Variants in UMAD1 observed in about 807,000 individuals in gnomAD.
The protein encoded by UMAD1 is UBAP1-MVB12-associated (UMA) domain containing 1, also known as UBAP1-MVB12-associated (UMA)-domain containing protein 1.
A neutral mutation model predicts 6.1 loss-of-function variants in UMAD1; 8 were observed. That is an observed-to-expected ratio of 1.30 (90% CI 0.76 to 2.35). The LOEUF (loss-of-function observed/expected upper bound fraction) is 2.35. Among genes scored for constraint, UMAD1 ranks in the 30% most tolerant of loss-of-function variants. UMAD1 has a pLI of 0.00. For synonymous variants in UMAD1, 56 were observed against 31.4 expected, an observed-to-expected ratio of 1.78 and a Z score of -2.61; for missense variants, 130 against 78.4, an observed-to-expected ratio of 1.66 and a Z score of -2.49.
chr7:7,660,850 C>G (rs1785457477), intron 1 of UMAD1, among the ~76,000 whole-genome samples: 1 of 152,178 alleles, frequency 6.6e-6, no homozygotes, highest in Non-Finnish European at 1.5e-5. Flanking sequence ...GTTGGCCTGT[C>G]TTGCTAGGTT....
chr7:7,777,605 A>ATAT (rs1554327171), intron 2 of UMAD1, among the ~76,000 whole-genome samples: 6 of 141,682 alleles, frequency 4.2e-5, no homozygotes, highest in African/African-American at 1.3e-4. Context: ...ATATATATGT[A>ATAT]ATTGCCAGTA....
intron 2 of UMAD1, among the ~76,000 whole-genome samples, chr7:7,692,931 A>G (rs1780209770): frequency 6.6e-6 from 1 of 152,108 alleles, no homozygotes; most frequent in Admixed American, 6.6e-5. Flanking sequence ...AAAATGGTAT[A>G]TTTCATGTGA....
At chr7:7,757,455 A>G (rs1478109779) in intron 2 of UMAD1, among the ~76,000 whole-genome samples, 1 of 152,226 alleles carries the variant, frequency 6.6e-6, no homozygotes, top group East Asian at 1.9e-4. Context: ...TAAGAGAGTG[A>G]TCTATAAAGT....
intron 3 of UMAD1, among the ~76,000 whole-genome samples, chr7:7,876,223 G>A (rs757605054): frequency 7.9e-5 from 12 of 152,116 alleles, no homozygotes; most frequent in Non-Finnish European, 1.3e-4. Context: ...AGGCCCTGAG[G>A]CAGAAGCAGG....
At chr7:7,813,495 C>T (rs537136405) in intron 3 of UMAD1, among the ~76,000 whole-genome samples, 67 of 152,206 alleles carry the variant, frequency 4.4e-4, no homozygotes, top group Middle Eastern at 3.4e-3. Flanking sequence ...TGAGTGACTG[C>T]GCCCAGCCCC....
intron 2 of UMAD1, among the ~76,000 whole-genome samples, chr7:7,745,566 A>G (rs1358995044): frequency 6.6e-6 from 1 of 151,372 alleles, no homozygotes; most frequent in Non-Finnish European, 1.5e-5. Flanking sequence ...TAAATATAAG[A>G]TGGAAGCCAT....
intron 2 of UMAD1, among the ~76,000 whole-genome samples, chr7:7,779,476 C>G (rs965079654): frequency 6.6e-6 from 1 of 151,900 alleles, no homozygotes; most frequent in Non-Finnish European, 1.5e-5. Flanking sequence ...TCACTATGTT[C>G]CCCAGTCTGG....
At chr7:7,790,236 C>T (rs966649411) in intron 2 of UMAD1, among the ~76,000 whole-genome samples, 8 of 152,092 alleles carry the variant, frequency 5.3e-5, no homozygotes, top group Admixed American at 1.3e-4. Context: ...GGAATTTGCA[C>T]CCCAGGGGAT....
rs566272725 is a variant in UMAD1, at chr7:7,846,311, A to C, written c.157-30970A>C. ...AAGTATTTATTCTTTTCTTTAAAAT[A>C]TCTTTAGTCTTCTCCTGTTCCCTAG... On this transcript the variant is annotated intron_variant, in intron 3 of 3. Coordinates refer to ENST00000682710, the MANE Select transcript of UMAD1 (RefSeq NM_001302348.2). 6.6e-5 allele frequency among the ~76,000 whole-genome samples: 10 copies of C among 152,284 alleles called. No individual in the cohort carries two copies. In the South Asian group the frequency reaches 1.4e-3, roughly 22 times the overall value.
chr7:7,791,457 A>G (rs920684151), intron 2 of UMAD1, among the ~76,000 whole-genome samples: 2 of 152,228 alleles, frequency 1.3e-5, no homozygotes. Context: ...AAAATCTTTC[A>G]AGATGCAGAT....
intron 2 of UMAD1, among the ~76,000 whole-genome samples, chr7:7,690,711 A>G (rs905827538): frequency 1.3e-5 from 2 of 152,132 alleles, no homozygotes; most frequent in African/African-American, 2.4e-5. Flanking sequence ...AGAGAAAGGA[A>G]GGTAAATATA....
chr7:7,741,379 G>GGCTAACA (rs1348232956), intron 2 of UMAD1, among the ~76,000 whole-genome samples: 9 of 151,874 alleles, frequency 5.9e-5, no homozygotes, highest in African/African-American at 2.2e-4. Flanking sequence ...AGACCATCCT[G>GGCTAACA]GCTAACACAG....
At chr7:7,842,169 G>T (rs1361605291) in intron 3 of UMAD1, among the ~76,000 whole-genome samples, 1 of 152,096 alleles carries the variant, frequency 6.6e-6, no homozygotes, top group African/African-American at 2.4e-5. Context: ...ATTCCCAACT[G>T]TTCATTTATT....
intron 2 of UMAD1, among the ~76,000 whole-genome samples, chr7:7,720,713 A>G (rs184091088): frequency 1.3e-5 from 2 of 152,316 alleles, no homozygotes; most frequent in Admixed American, 6.5e-5. Flanking sequence ...AAACATTTTT[A>G]TTAAAACAAG....
chr7:7,769,187 G>A (rs1782053093), intron 2 of UMAD1, among the ~76,000 whole-genome samples: 1 of 152,156 alleles, frequency 6.6e-6, no homozygotes, highest in Admixed American at 6.5e-5. Flanking sequence ...GTCTTTTAGG[G>A]TAACATGGTT....
intron 2 of UMAD1, chr7:7,676,097 C>T (rs1035747018): frequency 4.5e-5 from 18 of 398,544 alleles, no homozygotes; most frequent in Admixed American, 2.2e-4. Flanking sequence ...TTCCTTCTTC[C>T]GCAGAAGCAT....
intron 2 of UMAD1, among the ~76,000 whole-genome samples, chr7:7,718,235 A>G (rs191953406): frequency 1.1e-4 from 16 of 152,272 alleles, no homozygotes; most frequent in East Asian, 3.9e-4. Context: ...TTTATCCCCA[A>G]GGGTATTTTG....
chr7:7,770,651 A>G (rs1782082203), intron 2 of UMAD1, among the ~76,000 whole-genome samples: 1 of 152,134 alleles, frequency 6.6e-6, no homozygotes, highest in South Asian at 2.1e-4. Flanking sequence ...ATTAATTACA[A>G]TTTGACATTC....
At chr7:7,651,490 C>T (rs932699659) in intron 1 of UMAD1, among the ~76,000 whole-genome samples, 6 of 152,166 alleles carry the variant, frequency 3.9e-5, no homozygotes, top group South Asian at 2.1e-4. Context: ...TCTTCTGTCT[C>T]GTATTTTCCT....
Sources: allele counts gnomAD v4.1 joint callset (sites outside exome capture counted in the v4.1 genomes callset), GRCh38; gene constraint gnomAD v4.1.1; transcripts MANE v1.5; gene names NCBI Gene and HGNC (gene_info 2026-07-23, HGNC 2026-07-21).